ACTR3C: variants seen among roughly 807,000 people sequenced by gnomAD.
ACTR3C encodes actin related protein 3C.
A neutral mutation model predicts 26.3 loss-of-function variants in ACTR3C; 18 were observed. That is an observed-to-expected ratio of 0.68 (90% CI 0.47 to 1.01). The LOEUF is 1.01. Among genes scored for constraint, ACTR3C ranks in the 50% least tolerant of loss-of-function variants. The pLI is 0.00. For synonymous variants in ACTR3C, 55 were observed against 94.5 expected (o/e 0.58, Z 2.42); for missense variants, 184 against 250.7 (o/e 0.73, Z 1.80).
At chr7:150,203,214 G>A in the ACTR3C span, among the ~76,000 whole-genome samples, 17 of 152,214 alleles carry the variant, frequency 1.1e-4, no homozygotes, top group African/African-American at 3.6e-4. Context: ...AAGATGGTGT[G>A]TGTGGACACT....
At chr7:149,989,944 T>C in the ACTR3C span, among the ~76,000 whole-genome samples, 1 of 152,166 alleles carries the variant, frequency 6.6e-6, no homozygotes, top group Admixed American at 6.5e-5. Context: ...CAACACTTGT[T>C]ATGGTCCACA....
At chr7:150,221,063 C>T in the ACTR3C span, among the ~76,000 whole-genome samples, 10 of 152,242 alleles carry the variant, frequency 6.6e-5, no homozygotes, top group Non-Finnish European at 1.2e-4. Flanking sequence ...GGAGCTGGGA[C>T]GGCACCCGGG....
At chr7:150,195,267 T>G in the ACTR3C span, among the ~76,000 whole-genome samples, 1 of 151,762 alleles carries the variant, frequency 6.6e-6, no homozygotes, top group Admixed American at 6.6e-5. Flanking sequence ...GATCTAAAAT[T>G]TTTGCTTTAA....
At chr7:150,163,437 C>CAT in the ACTR3C span, among the ~76,000 whole-genome samples, 1,626 of 149,618 alleles carry the variant, frequency 0.011, 38 homozygotes, top group African/African-American at 0.038. Context: ...TGTATATATA[C>CAT]ATATATATAC....
chr7:150,003,055 A>G, the ACTR3C span: 3 of 152,278 alleles, frequency 2.0e-5, no homozygotes, highest in East Asian at 5.8e-4. Context: ...AGAAGACAGG[A>G]CTACCAAGTG....
the ACTR3C span, among the ~76,000 whole-genome samples, chr7:150,210,738 T>C: frequency 6.7e-6 from 1 of 149,712 alleles, no homozygotes; most frequent in African/African-American, 2.5e-5. Context: ...GGTAGTGGAA[T>C]TGTTAGGGAG....
chr7:150,048,873 A>G, the ACTR3C span, among the ~76,000 whole-genome samples: 2,747 of 138,544 alleles, frequency 0.02, 30 homozygotes, highest in African/African-American at 0.024. Flanking sequence ...TCCGGAGGAG[A>G]GCAGGAAAGG....
chr7:150,051,505 A>G, the ACTR3C span, among the ~76,000 whole-genome samples: 12 of 147,474 alleles, frequency 8.1e-5, no homozygotes, highest in African/African-American at 3.0e-4. Context: ...CCTCTACTCA[A>G]TTTCTCCTTG....
At chr7:149,883,100 G>C in the ACTR3C span, among the ~76,000 whole-genome samples, 46 of 152,380 alleles carry the variant, frequency 3.0e-4, no homozygotes, top group African/African-American at 1.1e-3. Context: ...AAGAAAGTGA[G>C]GGGGTGGTCA....
chr7:150,313,753 G>A (rs1041805421), intron 1 of ACTR3C, among the ~76,000 whole-genome samples: 4 of 152,156 alleles, frequency 2.6e-5, no homozygotes, highest in Admixed American at 6.5e-5. Context: ...GAGGGAGAGA[G>A]GGGGAGAGAG....
the ACTR3C span, among the ~76,000 whole-genome samples, chr7:150,120,763 AC>A: frequency 6.6e-6 from 1 of 152,176 alleles, no homozygotes; most frequent in South Asian, 2.1e-4. Flanking sequence ...TGATACCAAA[AC>A]CTGGCAGAGA....
At chr7:150,138,236 C>T in the ACTR3C span, among the ~76,000 whole-genome samples, 2 of 152,030 alleles carry the variant, frequency 1.3e-5, no homozygotes, top group African/African-American at 4.8e-5. Context: ...TAACCAGAAA[C>T]GTCAATATTG....
chr7:149,903,893 TGTTGTTGCTG>T, the ACTR3C span, among the ~76,000 whole-genome samples: 402 of 33,604 alleles, frequency 0.012, 35 homozygotes, highest in South Asian at 0.025. Context: ...TGTTGTTGTT[TGTTGTTGCTG>T]GTTGTTGTTG....
At chr7:149,996,582 A>AAAAT in the ACTR3C span, among the ~76,000 whole-genome samples, 8 of 148,906 alleles carry the variant, frequency 5.4e-5, no homozygotes, top group Admixed American at 1.3e-4. Flanking sequence ...TTCTGGTAAA[A>AAAAT]AAATAAATAA....
chr7:149,945,496 GA>G, the ACTR3C span, among the ~76,000 whole-genome samples: 1 of 152,218 alleles, frequency 6.6e-6, no homozygotes, highest in Non-Finnish European at 1.5e-5. Context: ...ACAAGCGCAG[GA>G]ATGCAGTGAC....
chr7:150,309,568 A>T (rs1796113254), intron 1 of ACTR3C, among the ~76,000 whole-genome samples: 1 of 152,210 alleles, frequency 6.6e-6, no homozygotes, highest in Admixed American at 6.5e-5. Flanking sequence ...AAAACTTCAG[A>T]ACAACCAAAC....
chr7:150,092,808 C>T, the ACTR3C span, among the ~76,000 whole-genome samples: 2 of 151,226 alleles, frequency 1.3e-5, no homozygotes, highest in South Asian at 4.1e-4. Flanking sequence ...ACCACACTCT[C>T]TCCTCTGCCC....
chr7:150,041,099 C>G, the ACTR3C span, among the ~76,000 whole-genome samples: 1 of 150,594 alleles, frequency 6.6e-6, no homozygotes, highest in Non-Finnish European at 1.5e-5. Flanking sequence ...ATGGAAAAGG[C>G]TTTGTCAGAT....
the ACTR3C span, among the ~76,000 whole-genome samples, chr7:150,035,889 A>C: frequency 6.4e-4 from 77 of 121,126 alleles, 9 homozygotes; most frequent in Middle Eastern, 0.018. Flanking sequence ...GGAAGAGGGG[A>C]TAGCTCTCAG....
Sources: gnomAD v4.1 joint callset for allele counts (sites outside exome capture counted in the v4.1 genomes callset) on GRCh38, gnomAD v4.1.1 for gene constraint, MANE v1.5 for transcripts, NCBI Gene and HGNC (gene_info 2026-07-23, HGNC 2026-07-21) for gene names.